The following RBFOX3 variants were observed in gnomAD, a reference collection of about 807,000 sequenced individuals.
RBFOX3 encodes the protein RNA binding fox-1 homolog 3.
Under a neutral mutation model 48.7 loss-of-function variants are expected in RBFOX3, and 17 were observed. The observed-to-expected ratio is 0.35, with a 90% CI of 0.24 to 0.52. The LOEUF (loss-of-function observed/expected upper bound fraction) is 0.52. Ranked by LOEUF, RBFOX3 falls within the 20% of genes least tolerant of loss-of-function variation. The pLI, the probability that RBFOX3 is intolerant of heterozygous loss-of-function variation, is 0.94. For missense variants in RBFOX3, 382 were observed against 497.5 expected (o/e 0.77, Z 2.21); for synonymous variants, 212 against 209.5 (o/e 1.01, Z -0.10).
intron 3 of RBFOX3, among the ~76,000 whole-genome samples, chr17:79,241,568 T>A (rs1600179270): frequency 6.6e-6 from 1 of 151,236 alleles, no homozygotes; most frequent in Non-Finnish European, 1.5e-5. Flanking sequence ...CTGAGGAAGG[T>A]TCCACTGTGA....
rs1447727956 is a variant in RBFOX3, at chr17:79,479,152, G to A, written c.-175+3302C>T. Among the ~76,000 whole-genome samples the A allele has an allele frequency of 2.0e-5, 3 of 152,196 alleles. No homozygotes were observed. Among genetic ancestry groups the A allele is most frequent in the African/African-American group, 7.2e-5 (3 of 41,468 alleles). On this transcript the variant is annotated intron_variant, in intron 2 of 14. Coordinates refer to ENST00000693108, the MANE Select transcript of RBFOX3 (RefSeq NM_001350451.2). This position sits in a 1 kb window ranked among gnomAD's most constrained non-coding sequence, Gnocchi z 5.1. The stretch of plus-strand genomic sequence containing the variant: ...TCACTGTTCTCCAAGTCCCTCTTAG[G>A]AAGCCCCTTCCTCTAGTCACATTCC...
At position 79,103,400 on chromosome 17, in the gene RBFOX3, G is replaced by A; in HGVS notation, c.415-146C>T. 1 of 660,452 alleles carries A rather than the reference G, an allele frequency of 1.5e-6. No individual in the cohort carries two copies. The highest frequency in any genetic ancestry group is 2.7e-6 in the Non-Finnish European group (1 of 368,144). The allele number at this position is 660,452 out of a possible 1,614,324, so 40.9% of individuals were successfully genotyped here. A position where few individuals can be genotyped will look rare whatever the true frequency, so the allele number is the denominator to read the frequency against. On this transcript the variant is annotated intron_variant, in intron 7 of 14. Coordinates refer to ENST00000693108, the MANE Select transcript of RBFOX3 (RefSeq NM_001350451.2). The surrounding 1 kb of genome is among the most constrained non-coding windows in gnomAD (Gnocchi z 6.1). ...GGGTTGAGTCAGGTGAGTTGAGGCA[G>A]AGACGCAGGCAGCCCAGAGGTCTGT... is the stretch of plus-strand genomic sequence containing the variant.
the RBFOX3 span, among the ~76,000 whole-genome samples, chr17:79,661,806 G>A: frequency 1.2e-4 from 19 of 152,180 alleles, no homozygotes; most frequent in Admixed American, 1.2e-3. Flanking sequence ...TGTCTAGATG[G>A]CAGTATCTGG....
At chr17:79,235,649 T>A (rs2061547224) in intron 4 of RBFOX3, 117 bp downstream of exon 4, 1 of 153,460 alleles carries the variant, frequency 6.5e-6, no homozygotes, top group Non-Finnish European at 1.5e-5. Context: ...TCTTCCTCCC[T>A]CCAGTGGCTG....
chr17:79,419,671 C>A (rs9912179), intron 2 of RBFOX3, among the ~76,000 whole-genome samples: 52,183 of 152,076 alleles, frequency 0.34, 9,042 homozygotes, highest in Middle Eastern at 0.4. Flanking sequence ...ACCTGCAGTC[C>A]CCCTCACAAT....
At chr17:79,379,713 T>G (rs996841756) in intron 2 of RBFOX3, among the ~76,000 whole-genome samples, 1 of 152,126 alleles carries the variant, frequency 6.6e-6, no homozygotes, top group African/African-American at 2.4e-5. Context: ...AAATCCCGGA[T>G]GGACTCATCT....
chr17:79,570,935 A>T (rs965021543), intron 1 of RBFOX3, among the ~76,000 whole-genome samples: 2 of 152,208 alleles, frequency 1.3e-5, no homozygotes, highest in Non-Finnish European at 2.9e-5. Flanking sequence ...AACCACAGAT[A>T]AGAGACTCTT....
At chr17:79,150,865 T>A (rs1305440624) in intron 4 of RBFOX3, among the ~76,000 whole-genome samples, 2 of 152,266 alleles carry the variant, frequency 1.3e-5, no homozygotes, top group Non-Finnish European at 2.9e-5. Flanking sequence ...AGTGTCCCCG[T>A]GTGCGCAATG....
chr17:79,184,705 G>A (rs149952096), intron 4 of RBFOX3, among the ~76,000 whole-genome samples: 8 of 152,314 alleles, frequency 5.3e-5, no homozygotes, highest in Middle Eastern at 3.4e-3. Flanking sequence ...CATTCTGAAC[G>A]CACCTGTCCT....
In RBFOX3 at chr17:79,591,572, C is replaced by A. The variant is rs908020848; in HGVS notation, c.-320+19254G>T. Among the ~76,000 whole-genome samples the A allele has an allele frequency of 3.6e-3, 553 of 152,338 alleles. 2 individuals are homozygous for A. Among genetic ancestry groups the A allele is most frequent in the African/African-American group, 0.013 (533 of 41,580 alleles). Reference sequence around the variant, plus strand: ...GGTGGCGGCCACCCCCAACCCCCAGCCCATCCCCGTCTTTCCTTCCTCTTG... The same window carrying A: ...GGTGGCGGCCACCCCCAACCCCCAGACCATCCCCGTCTTTCCTTCCTCTTG... On this transcript the variant is annotated intron_variant, in intron 1 of 14. Coordinates refer to ENST00000693108, the MANE Select transcript of RBFOX3 (RefSeq NM_001350451.2).
chr17:79,213,939 A>T (rs1422095775), intron 4 of RBFOX3, among the ~76,000 whole-genome samples: 1 of 152,210 alleles, frequency 6.6e-6, no homozygotes, highest in Non-Finnish European at 1.5e-5. Context: ...GAAGGAAGCC[A>T]AGACATCGCG....
chr17:79,345,766 C>T (rs914092996), intron 2 of RBFOX3, among the ~76,000 whole-genome samples: 1 of 152,104 alleles, frequency 6.6e-6, no homozygotes, highest in African/African-American at 2.4e-5. Context: ...CTTTTCACTT[C>T]TTAAAGACTT....
chr17:79,286,667 T>A (rs535930055), intron 3 of RBFOX3, among the ~76,000 whole-genome samples: 1 of 152,174 alleles, frequency 6.6e-6, no homozygotes, highest in African/African-American at 2.4e-5. Context: ...AACCCCCTAC[T>A]GGGCTGATTC....
In RBFOX3 at chr17:79,096,708, C is replaced by G; in HGVS notation, c.881G>C (p.Cys294Ser). ...PTSPAFPPLS[C>S]PFASRVVYQD... is the part of the protein sequence containing the mutation. Reference sequence around the variant, plus strand: ...ATACACGACCCTGGAAGCAAACGGACAAGAAAGTGGTGGGAACGCTGGAGA... The same window carrying G: ...ATACACGACCCTGGAAGCAAACGGAGAAGAAAGTGGTGGGAACGCTGGAGA... The change falls in exon 12 of 15, where the codon TGT (cysteine) becomes TCT (serine). Residue 294 changes from cysteine (C) to serine (S), a missense_variant. This residue lies in a region of RBFOX3 where 215 missense variants were observed against 254.8 expected (regional missense o/e 0.84). Transcript: ENST00000693108. The G allele has an allele frequency of 3.2e-6, 5 of 1,551,250 alleles. No homozygotes were observed. The highest frequency in any genetic ancestry group is 4.4e-6 in the Non-Finnish European group (5 of 1,146,778).
intron 4 of RBFOX3, among the ~76,000 whole-genome samples, chr17:79,161,940 C>T (rs1350751946): frequency 6.6e-6 from 1 of 152,168 alleles, no homozygotes; most frequent in Admixed American, 6.5e-5. Flanking sequence ...AATCAACCCA[C>T]AACAGTCGAA....
chr17:79,519,666 C>T (rs1007408612), intron 1 of RBFOX3, among the ~76,000 whole-genome samples: 1 of 152,182 alleles, frequency 6.6e-6, no homozygotes, highest in East Asian at 1.9e-4. Flanking sequence ...GAGTAGCCTG[C>T]CTGAAAGAGC....
intron 1 of RBFOX3, among the ~76,000 whole-genome samples, chr17:79,508,598 G>A (rs1253089831): frequency 8.5e-5 from 13 of 152,168 alleles, no homozygotes; most frequent in African/African-American, 2.7e-4. Flanking sequence ...TGGGGTGGGC[G>A]CTCCGGCCCC....
chr17:79,489,206 G>A (rs1246559415), intron 1 of RBFOX3, among the ~76,000 whole-genome samples: 1 of 145,542 alleles, frequency 6.9e-6, no homozygotes, highest in African/African-American at 2.6e-5. Flanking sequence ...TGCAGAGAGC[G>A]GAACATTTTA....
In RBFOX3 at chr17:79,220,598, GGT is replaced by G. The variant is rs10641407; in HGVS notation, c.-34+15166_-34+15167del. ...TCATCAAGCAGGGGACCCAGGGGAG[GGT>G]GTGTGTGTGTGTGTGTCGGGGGGAC... On this transcript the variant is annotated intron_variant, in intron 4 of 14. Coordinates refer to ENST00000693108, the MANE Select transcript of RBFOX3 (RefSeq NM_001350451.2). This position sits in a 1 kb window ranked among gnomAD's most constrained non-coding sequence, Gnocchi z 5.9. Among the ~76,000 whole-genome samples the G allele has an allele frequency of 4.0e-5, 6 of 150,614 alleles. No individual in the cohort carries two copies. Among genetic ancestry groups the G allele is most frequent in the Admixed American group, 6.6e-5 (1 of 15,102 alleles).
Sources: gnomAD v4.1 joint callset for allele counts (sites outside exome capture counted in the v4.1 genomes callset) on GRCh38, gnomAD v4.1.1 for gene constraint, gnomAD v4.1.1 regional missense constraint, Gnocchi (gnomAD v3.1) non-coding constraint, MANE v1.5 for transcripts, NCBI Gene and HGNC (gene_info 2026-07-23, HGNC 2026-07-21) for gene names.